Variants in CDK13 observed in about 807,000 individuals in gnomAD.
CDK13 encodes the protein cyclin dependent kinase 13.
Under a neutral mutation model 137.6 loss-of-function variants are expected in CDK13, and 40 were observed. The ratio of observed to expected loss-of-function variants is 0.29; its 90% CI spans 0.23 to 0.38. The LOEUF (loss-of-function observed/expected upper bound fraction) is 0.38, where lower values mean the gene tolerates loss of function less well. CDK13 is among the 10% of genes least tolerant of loss of function. The probability of loss-of-function intolerance (pLI) is 1.00; values close to 1 mark genes in which losing one functional copy is unlikely to be tolerated. For synonymous variants in CDK13, 869 were observed against 760.1 expected (o/e 1.14, Z -2.36); for missense variants, 1,704 against 1,951.8 (o/e 0.87, Z 2.39).
intron 5 of CDK13, among the ~76,000 whole-genome samples, chr7:40,038,416 A>T (rs1000742490): frequency 1.3e-5 from 2 of 152,184 alleles, no homozygotes; most frequent in African/African-American, 2.4e-5. Flanking sequence ...TTGTGTAAAT[A>T]ATGCTGCATT....
intron 5 of CDK13, among the ~76,000 whole-genome samples, chr7:40,021,110 T>C (rs552733621): frequency 0.5 from 39,897 of 80,568 alleles, 7,016 homozygotes; most frequent in Non-Finnish European, 0.58. Context: ...AACGTATATA[T>C]ATATATATAT....
intron 1 of CDK13, among the ~76,000 whole-genome samples, chr7:39,961,039 A>G (rs1787604822): frequency 6.6e-6 from 1 of 152,112 alleles, no homozygotes; most frequent in African/African-American, 2.4e-5. Flanking sequence ...ACACAGCTCG[A>G]AACAGCCATT....
chr7:39,952,129 A>G (rs1051600664), intron 1 of CDK13: 4 of 344,406 alleles, frequency 1.2e-5, no homozygotes, highest in Non-Finnish European at 2.1e-5. Context: ...TTGTTGCATT[A>G]ATGTGTTAAC....
At position 40,094,938 on chromosome 7, in the gene CDK13, C is replaced by G; in HGVS notation, c.4497C>G (p.Ser1499Arg). Residue 1499 changes from serine (S) to arginine (R), a missense_variant, in exon 14 of 14, where the codon AGC (serine) becomes AGG (arginine). This residue lies in a region of CDK13 where 475 missense variants were observed against 579.3 expected (regional missense o/e 0.82). Transcript: ENST00000181839. ...GYSQGYRGHISTSTGRGRGRG... is the reference protein window; with the variant it reads ...GYSQGYRGHIRTSTGRGRGRG... ...CACAAGGATACAGGGGACATATTAG[C>G]ACATCAACTGGCAGAGGCAGAGGCA... The G allele has an allele frequency of 6.9e-7, 1 of 1,447,330 alleles. No individual in the cohort carries two copies. The highest frequency in any genetic ancestry group is 9.1e-7 in the Non-Finnish European group (1 of 1,098,320). The allele number at this position is 1,447,330 out of a possible 1,614,324, so 89.7% of individuals were successfully genotyped here.
intron 5 of CDK13, among the ~76,000 whole-genome samples, chr7:40,022,208 G>A (rs1356253120): frequency 6.6e-6 from 1 of 152,098 alleles, no homozygotes; most frequent in Non-Finnish European, 1.5e-5. Context: ...TATATATTTG[G>A]TTTCATGTCA....
At chr7:40,001,252 G>A (rs1784679361) in intron 4 of CDK13, among the ~76,000 whole-genome samples, 1 of 144,272 alleles carries the variant, frequency 6.9e-6, no homozygotes, top group Admixed American at 7.1e-5. Context: ...GTCTTGCACT[G>A]TTGCCAGGGC....
chr7:40,019,317 G>C (rs1785065982), intron 5 of CDK13, among the ~76,000 whole-genome samples: 1 of 152,128 alleles, frequency 6.6e-6, no homozygotes, highest in South Asian at 2.1e-4. Flanking sequence ...AAAATTTTCT[G>C]TTAAAATGTA....
At chr7:39,953,623 T>C (rs956444889) in intron 1 of CDK13, among the ~76,000 whole-genome samples, 10 of 152,212 alleles carry the variant, frequency 6.6e-5, no homozygotes, top group Admixed American at 3.3e-4. Flanking sequence ...ATATACTGTT[T>C]TAGGTATTGG....
chr7:40,005,446 C>A (rs1420255599), intron 5 of CDK13, among the ~76,000 whole-genome samples: 1 of 151,776 alleles, frequency 6.6e-6, no homozygotes, highest in African/African-American at 2.4e-5. Flanking sequence ...TGTGTCACTA[C>A]ACCCATCTAA....
intron 1 of CDK13, among the ~76,000 whole-genome samples, chr7:39,966,713 T>C (rs1783880557): frequency 6.6e-6 from 1 of 152,186 alleles, no homozygotes; most frequent in Non-Finnish European, 1.5e-5. Flanking sequence ...TTTCAGTTTT[T>C]CCGCTCTGTT....
chr7:40,024,665 T>G (rs1461986644), intron 5 of CDK13, among the ~76,000 whole-genome samples: 3 of 133,752 alleles, frequency 2.2e-5, no homozygotes, highest in Non-Finnish European at 4.8e-5. Flanking sequence ...TTTTTTTTTT[T>G]TTTTTTTTTT....
chr7:40,022,500 T>C (rs1785148214), intron 5 of CDK13, among the ~76,000 whole-genome samples: 2 of 152,176 alleles, frequency 1.3e-5, no homozygotes, highest in Non-Finnish European at 2.9e-5. Context: ...TGAATACTTT[T>C]AAAAGAAATA....
chr7:40,014,951 TA>T (rs1346863115), intron 5 of CDK13, among the ~76,000 whole-genome samples: 1 of 152,224 alleles, frequency 6.6e-6, no homozygotes, highest in Non-Finnish European at 1.5e-5. Flanking sequence ...TAGTGATCAA[TA>T]AATTTTTTTG....
At chr7:40,021,576 A>G (rs919117188) in intron 5 of CDK13, among the ~76,000 whole-genome samples, 125 of 152,324 alleles carry the variant, frequency 8.2e-4, no homozygotes, top group Non-Finnish European at 4.4e-5. Context: ...AAATATCACT[A>G]AAAAAGTAGA....
chr7:39,987,633 T>C lies in CDK13; in HGVS notation c.1246T>C (p.Ser416Pro). Residue 416 changes from serine to proline, a missense_variant, in exon 2 of 14, where the codon TCA (serine) becomes CCA (proline). By Grantham distance (74) the Ser-to-Pro change is moderately conservative. This residue lies in a region of CDK13 where 1,051 missense variants were observed against 931.0 expected (regional missense o/e 1.13). Transcript: ENST00000181839. ...SGKSRSRSPY[S>P]SRHSRSRSRH... is the part of the protein sequence containing the mutation. The stretch of plus-strand genomic sequence containing the variant: ...AAAATCCCGAAGCAGAAGCCCGTAT[T>C]CATCTAGGCATTCAAGATCTCGTAG... The C allele has an allele frequency of 6.2e-7, 1 of 1,605,720 alleles. No individual in the cohort carries two copies. The highest frequency in any genetic ancestry group is 8.5e-7 in the Non-Finnish European group (1 of 1,177,904).
At chr7:40,069,242 CAG>C (rs985628676) in intron 9 of CDK13, 6 of 436,522 alleles carry the variant, frequency 1.4e-5, no homozygotes, top group Admixed American at 7.9e-5. Context: ...CTCAAAAAAA[CAG>C]AAATAAAACA....
At chr7:39,968,071 C>A (rs889303156) in intron 1 of CDK13, among the ~76,000 whole-genome samples, 2 of 151,982 alleles carry the variant, frequency 1.3e-5, no homozygotes, top group African/African-American at 2.4e-5. Flanking sequence ...GGTCCTTTGC[C>A]CGTTTTTGAA....
chr7:40,012,958 A>C (rs1284688029), intron 5 of CDK13, among the ~76,000 whole-genome samples: 3 of 152,024 alleles, frequency 2.0e-5, no homozygotes, highest in Non-Finnish European at 2.9e-5. Flanking sequence ...AGATTTGTTA[A>C]GCTCATGTTC....
At position 40,023,777 on chromosome 7, in the gene CDK13, G is replaced by A. The variant is rs1441125399; in HGVS notation, c.2353+21746G>A. Among the ~76,000 whole-genome samples the A allele has an allele frequency of 7.9e-5, 12 of 152,240 alleles. No homozygotes were observed. The South Asian group carries it at 1.0e-3, about 13-fold the overall frequency. Reference sequence around the variant, plus strand: ...TGAGATTACAGGCGTGAGCCACCACGCCCGGCCCTGGATTGATCTCTTAAT... The same window carrying A: ...TGAGATTACAGGCGTGAGCCACCACACCCGGCCCTGGATTGATCTCTTAAT... On this transcript the variant is annotated intron_variant, in intron 5 of 13. Coordinates refer to ENST00000181839, the MANE Select transcript of CDK13 (RefSeq NM_003718.5).
Sources: gnomAD v4.1 joint callset for allele counts (sites outside exome capture counted in the v4.1 genomes callset) on GRCh38, gnomAD v4.1.1 for gene constraint, gnomAD v4.1.1 regional missense constraint, MANE v1.5 for transcripts, NCBI Gene and HGNC (gene_info 2026-07-23, HGNC 2026-07-21) for gene names.